CNN3: variants seen among roughly 807,000 people sequenced by gnomAD.
CNN3 encodes the protein calponin 3, also known as calponin-3.
Under a neutral mutation model 39.0 loss-of-function variants are expected in CNN3, and 11 were observed. The observed-to-expected ratio is 0.28, with a 90% CI of 0.18 to 0.47. The LOEUF is 0.47. CNN3 is among the 20% of genes least tolerant of loss of function. The pLI is 0.99. For missense variants in CNN3, 266 were observed against 403.4 expected, an observed-to-expected ratio of 0.66 and a Z score of 2.92; for synonymous variants, 101 against 138.3, an observed-to-expected ratio of 0.73 and a Z score of 1.89.
intron 4 of CNN3, 24 bp from the exon 5 acceptor site, chr1:94,901,809 C>T (rs768834379): frequency 2.7e-6 from 4 of 1,508,678 alleles, no homozygotes; most frequent in Non-Finnish European, 3.7e-6. Flanking sequence ...TGCACACTAA[C>T]TGAAAAGGCC....
At chr1:94,901,559 C>T (rs796600645) in intron 5 of CNN3, 110 bp downstream of exon 5, 2 of 683,914 alleles carry the variant, frequency 2.9e-6, no homozygotes, top group Admixed American at 4.9e-5. Flanking sequence ...TACACCCCCC[C>T]CCCAGTACTA....
In CNN3 at chr1:94,899,537, A is replaced by T. The variant is rs1409757028; in HGVS notation, c.502-20T>A. 6.2e-7 allele frequency: 1 copy of T among 1,608,418 alleles called. No individual in the cohort carries two copies. Among genetic ancestry groups the T allele is most frequent in the East Asian group, 2.2e-5 (1 of 44,822 alleles). On this transcript the variant is annotated intron_variant, in intron 5 of 6. Coordinates refer to ENST00000370206, the MANE Select transcript of CNN3 (RefSeq NM_001839.5). ...TCCCATCTTTTAAGTTAAAAATAAAATTGCACAAATTATCAGATGTCAACA... is the reference window on the plus strand; with the variant it reads ...TCCCATCTTTTAAGTTAAAAATAAATTTGCACAAATTATCAGATGTCAACA...
At chr1:94,902,329 T>A in intron 3 of CNN3, 71 bp from the exon 4 acceptor site, 1 of 1,416,894 alleles carries the variant, frequency 7.1e-7, no homozygotes, top group Non-Finnish European at 9.7e-7. Context: ...GAATTCCAAG[T>A]CTTCATAAAC....
intron 6 of CNN3, 133 bp from the exon 7 acceptor site, chr1:94,898,216 T>C (rs1216355311): frequency 9.2e-6 from 8 of 866,892 alleles, no homozygotes; most frequent in Non-Finnish European, 1.4e-5. Flanking sequence ...GGGGTAAAGC[T>C]AGCTTAACCA....
intron 1 of CNN3, among the ~76,000 whole-genome samples, chr1:94,905,941 G>A (rs1158467081): frequency 6.6e-6 from 1 of 152,014 alleles, no homozygotes. Context: ...CCATTTTTAT[G>A]GCACTTTTAG....
intron 1 of CNN3, among the ~76,000 whole-genome samples, chr1:94,922,202 G>A (rs911350789): frequency 5.9e-5 from 9 of 152,114 alleles, no homozygotes; most frequent in African/African-American, 1.9e-4. Context: ...ATCACTTGAG[G>A]CCAGAAGTTC....
rs921884386 is a variant in CNN3 at position 94,926,010 on chromosome 1, G to A, written c.57+828C>T. Among the ~76,000 whole-genome samples, 5 of 152,126 alleles carry A rather than the reference G, an allele frequency of 3.3e-5. No individual in the cohort carries two copies. The highest frequency in any genetic ancestry group is 1.2e-4 in the African/African-American group (5 of 41,414). On this transcript the variant is annotated intron_variant, in intron 1 of 6. Transcript: ENST00000370206. This position sits in a 1 kb window ranked among gnomAD's most constrained non-coding sequence, Gnocchi z 4.2. ...AAAGATAAACCTAACGCATTCTTGG[G>A]CTCAGTGGCAAAGCTGAGCGTCACC...
intron 1 of CNN3, chr1:94,925,874 C>A: frequency 1.0e-6 from 1 of 960,752 alleles, no homozygotes; most frequent in Non-Finnish European, 1.2e-6. Flanking sequence ...TGGCTGGTCT[C>A]TCCCCCCAGA....
intron 1 of CNN3, among the ~76,000 whole-genome samples, chr1:94,911,304 A>G (rs1435063921): frequency 6.6e-6 from 1 of 152,218 alleles, no homozygotes; most frequent in African/African-American, 2.4e-5. Context: ...ACAGAAGTAA[A>G]GTCCAGGAGC....
chr1:94,912,171 T>G (rs554414796), intron 1 of CNN3, among the ~76,000 whole-genome samples: 1 of 152,332 alleles, frequency 6.6e-6, no homozygotes, highest in East Asian at 1.9e-4. Flanking sequence ...GAATGTCAAT[T>G]TTGTCTTCTC....
chr1:94,905,397 T>C lies in CNN3; in HGVS notation c.58-1873A>G, dbSNP rs1194474157. On this transcript the variant is annotated intron_variant, in intron 1 of 6. Coordinates refer to ENST00000370206, the MANE Select transcript of CNN3 (RefSeq NM_001839.5). ...TCACCATGCACCTGAGCCTGAGAGA[T>C]CCCCTGGCACATAATCAGACCACTC... Among the ~76,000 whole-genome samples the C allele has an allele frequency of 2.0e-5, 3 of 152,080 alleles. No homozygotes were observed. The East Asian group carries it at 5.8e-4, about 29-fold the overall frequency.
intron 1 of CNN3, among the ~76,000 whole-genome samples, chr1:94,917,913 G>A (rs1404505279): frequency 1.3e-5 from 2 of 152,166 alleles, no homozygotes; most frequent in Non-Finnish European, 2.9e-5. Context: ...TCCAAAGGTT[G>A]TGGGCTCAGC....
Position 94,897,997 on chromosome 1 carries a change from T to C in CNN3, c.735A>G (p.Leu245=), listed in dbSNP as rs1349055283. 1 of 1,613,996 alleles carries C rather than the reference T, an allele frequency of 6.2e-7. No individual in the cohort carries two copies. Among genetic ancestry groups the C allele is most frequent in the Non-Finnish European group, 8.5e-7 (1 of 1,180,008 alleles). The part of the protein sequence containing the change: ...LQPVDNSTIS[L]QMGTNKVASQ... Reference sequence around the variant, plus strand: ...AAGCAACTTTGTTGGTACCCATCTGTAGGGAAATTGTCGAGTTGTCCACCG... The same window carrying C: ...AAGCAACTTTGTTGGTACCCATCTGCAGGGAAATTGTCGAGTTGTCCACCG... The change falls in exon 7 of 7, where the codon CTA becomes CTG. Residue 245 remains leucine (L), a synonymous_variant. Coordinates refer to ENST00000370206, the MANE Select transcript of CNN3 (RefSeq NM_001839.5).
intron 3 of CNN3, 96 bp downstream of exon 3, chr1:94,903,026 A>AAC: frequency 1.1e-6 from 1 of 925,588 alleles, no homozygotes; most frequent in Non-Finnish European, 1.5e-6. Flanking sequence ...GTTAAAAAAA[A>AAC]AAAAAACACA....
chr1:94,902,903 T>C (rs1426457398), intron 3 of CNN3, among the ~76,000 whole-genome samples: 2 of 151,814 alleles, frequency 1.3e-5, no homozygotes, highest in Non-Finnish European at 2.9e-5. Flanking sequence ...AAGCTAAACG[T>C]AATAATTACA....
rs1670755654 is a variant in CNN3, at chr1:94,897,546, C to T, written c.*196G>A. On this transcript the variant is annotated 3_prime_UTR_variant, in exon 7 of 7. Transcript: ENST00000370206. ...TTATTGATTATGCTGTAGGATTTAA[C>T]TATTACAGCACTAAAAGGCAACTAT... The T allele has an allele frequency of 1.8e-6, 1 of 562,662 alleles. No homozygotes were observed. The highest frequency in any genetic ancestry group is 1.9e-5 in the African/African-American group (1 of 53,320). The allele number at this position is 562,662 out of a possible 1,614,324, so 34.9% of individuals were successfully genotyped here. A position where few individuals can be genotyped will look rare whatever the true frequency, so the allele number is the denominator to read the frequency against.
At chr1:94,916,147 G>T (rs748391339) in intron 1 of CNN3, among the ~76,000 whole-genome samples, 9 of 152,032 alleles carry the variant, frequency 5.9e-5, no homozygotes, top group Non-Finnish European at 1.3e-4. Flanking sequence ...TCCTCCCTTA[G>T]TACTCTCTCC....
intron 1 of CNN3, among the ~76,000 whole-genome samples, chr1:94,910,590 A>G (rs917327351): frequency 6.6e-6 from 1 of 152,184 alleles, no homozygotes; most frequent in African/African-American, 2.4e-5. Flanking sequence ...AATGAATCCT[A>G]TAAACATTTA....
chr1:94,925,876 C>A (rs558995326), intron 1 of CNN3: 1 of 949,024 alleles, frequency 1.1e-6, no homozygotes, highest in Non-Finnish European at 1.3e-6. Context: ...GCTGGTCTCT[C>A]CCCCCAGAAA....
Sources: gnomAD v4.1 joint callset for allele counts (sites outside exome capture counted in the v4.1 genomes callset) on GRCh38, gnomAD v4.1.1 for gene constraint, Gnocchi (gnomAD v3.1) non-coding constraint, MANE v1.5 for transcripts, NCBI Gene and HGNC (gene_info 2026-07-23, HGNC 2026-07-21) for gene names.